Variants in CACNG6 observed in about 807,000 individuals in gnomAD.
CACNG6 encodes the protein calcium voltage-gated channel auxiliary subunit gamma 6, also known as voltage-dependent calcium channel gamma-6 subunit.
A neutral mutation model predicts 23.9 loss-of-function variants in CACNG6; 21 were observed. The observed-to-expected ratio is 0.88, with a 90% CI of 0.62 to 1.26. CACNG6 has a LOEUF of 1.26. Ranked by LOEUF, CACNG6 falls within the 50% of genes most tolerant of loss-of-function variation. The pLI, the probability that CACNG6 is intolerant of heterozygous loss-of-function variation, is 0.00. For synonymous variants in CACNG6, 182 were observed against 168.9 expected (o/e 1.08, Z -0.60); for missense variants, 340 against 352.9 (o/e 0.96, Z 0.29).
chr19:53,999,825 G>A, intron 3 of CACNG6, 54 bp downstream of exon 3: 1 of 1,596,830 alleles, frequency 6.3e-7, no homozygotes, highest in Non-Finnish European at 8.5e-7. Flanking sequence ...AGGATCTCCA[G>A]GCACTGTTGC....
At chr19:53,995,378 T>G (rs2069510187) in intron 1 of CACNG6, among the ~76,000 whole-genome samples, 1 of 152,146 alleles carries the variant, frequency 6.6e-6, no homozygotes. Flanking sequence ...CAGAGAAATA[T>G]CTCACACTCA....
Position 53,999,619 on chromosome 19 carries a change from C to T in CACNG6, c.407-15C>T, listed in dbSNP as rs1600056672. 6 of 1,612,046 alleles carry T rather than the reference C, an allele frequency of 3.7e-6. No homozygotes were observed. Among genetic ancestry groups the T allele is most frequent in the African/African-American group, 1.3e-5 (1 of 75,028 alleles). On this transcript the variant is annotated splice_polypyrimidine_tract_variant and intron_variant, in intron 2 of 3. Transcript: ENST00000252729. Reference sequence around the variant, plus strand: ...ATCCCATGTTCTCTGCTTCTTTCCTCTCTCCTGCTGGCAGAGGTGAATCTG... The same window carrying T: ...ATCCCATGTTCTCTGCTTCTTTCCTTTCTCCTGCTGGCAGAGGTGAATCTG...
chr19:54,004,440 C>G (rs780222757), intron 3 of CACNG6, among the ~76,000 whole-genome samples: 18 of 150,196 alleles, frequency 1.2e-4, no homozygotes, highest in Non-Finnish European at 2.1e-4. Context: ...GCCTCGAACT[C>G]CTGATGACCT....
chr19:54,009,920 T>C (rs1472783537), intron 3 of CACNG6, among the ~76,000 whole-genome samples: 1 of 146,584 alleles, frequency 6.8e-6, no homozygotes, highest in Non-Finnish European at 1.5e-5. Context: ...CGAAACTCCG[T>C]CTCAAAAAAA....
In CACNG6 at chr19:54,012,576, C is replaced by G. The variant is rs73601886; in HGVS notation, c.*387C>G. On this transcript the variant is annotated 3_prime_UTR_variant, in exon 4 of 4. Transcript: ENST00000252729. ...ACTTGCCGGGAGAGACTTTTTACAA[C>G]TCATCTGCAGCTCCGGGTGCGGTTG... The G allele has an allele frequency of 0.03, 5,138 of 172,736 alleles. 313 individuals carry two copies. The highest frequency in any genetic ancestry group is 0.12 in the African/African-American group (4,880 of 42,214). 10.7% of individuals were successfully genotyped at this position (172,736 alleles called of 1,614,324 possible). A position where few individuals can be genotyped will look rare whatever the true frequency, so the allele number is the denominator to read the frequency against.
chr19:54,002,746 A>G (rs1285417060), intron 3 of CACNG6, among the ~76,000 whole-genome samples: 1 of 152,170 alleles, frequency 6.6e-6, no homozygotes, highest in Non-Finnish European at 1.5e-5. Flanking sequence ...AATGTTCCAC[A>G]GATTGTACAA....
At chr19:53,999,555 G>A (rs1474748609) in intron 2 of CACNG6, 79 bp from the exon 3 acceptor site, 2 of 1,507,238 alleles carry the variant, frequency 1.3e-6, no homozygotes, top group Non-Finnish European at 1.8e-6. Context: ...CATCTTCCTG[G>A]TTCTGGGTTC....
At chr19:53,993,340 A>T (rs1382575633) in intron 1 of CACNG6, 132 bp downstream of exon 1, 1 of 888,102 alleles carries the variant, frequency 1.1e-6, no homozygotes. Flanking sequence ...CCTCGCAGTA[A>T]GCGCCAGTGC....
rs2069472505 is a variant in CACNG6, at chr19:53,992,567, C to A, written c.-311C>A. On this transcript the variant is annotated 5_prime_UTR_variant, in exon 1 of 4. Transcript: ENST00000252729. The surrounding 1 kb of genome is among the most constrained non-coding windows in gnomAD (Gnocchi z 4.1). ...TGGGAAGCCGAATTCTATCTCTAAA[C>A]CTCAGGGTGGGGGCCTTGTTTTTCC... 4.4e-6 allele frequency: 1 copy of A among 229,622 alleles called. No individual in the cohort carries two copies. Among genetic ancestry groups the A allele is most frequent in the East Asian group, 8.4e-5 (1 of 11,950 alleles). The allele number at this position is 229,622 out of a possible 1,614,324, so 14.2% of individuals were successfully genotyped here.
At chr19:54,004,931 G>A (rs866478970) in intron 3 of CACNG6, among the ~76,000 whole-genome samples, 1 of 148,472 alleles carries the variant, frequency 6.7e-6, no homozygotes, top group African/African-American at 2.6e-5. Flanking sequence ...AAATAAAAGA[G>A]GGGGGCGCGG....
intron 1 of CACNG6, 109 bp downstream of exon 1, chr19:53,993,317 A>G: frequency 8.7e-7 from 1 of 1,155,756 alleles, no homozygotes. Context: ...CTGAGCCCGG[A>G]GGAGACAGCT....
intron 2 of CACNG6, among the ~76,000 whole-genome samples, chr19:53,999,123 C>T (rs2069550501): frequency 6.6e-6 from 1 of 152,150 alleles, no homozygotes; most frequent in African/African-American, 2.4e-5. Flanking sequence ...ACCTTGGCCT[C>T]CCAAAGTGCT....
At chr19:53,996,554 G>A (rs559015507) in intron 1 of CACNG6, among the ~76,000 whole-genome samples, 3 of 151,582 alleles carry the variant, frequency 2.0e-5, no homozygotes, top group South Asian at 2.1e-4. Flanking sequence ...CACCACTCCC[G>A]GCTAATTTTT....
At chr19:54,006,517 CTTTTCTTTTTTTT>C (rs1229290326) in intron 3 of CACNG6, among the ~76,000 whole-genome samples, 10 of 107,324 alleles carry the variant, frequency 9.3e-5, no homozygotes, top group Non-Finnish European at 1.4e-4. Flanking sequence ...TTCCTTCTTT[CTTTTCTTTTTTTT>C]TTTTTTTTTT....
In CACNG6 at chr19:53,993,147, G is replaced by T; in HGVS notation, c.270G>T (p.Arg90=). 3 of 1,546,784 alleles carry T rather than the reference G, an allele frequency of 1.9e-6. No homozygotes were observed. Among genetic ancestry groups the T allele is most frequent in the Non-Finnish European group, 2.6e-6 (3 of 1,146,122 alleles). Residue 90 remains arginine (R), a synonymous_variant, in exon 1 of 4, where the codon CGG becomes CGT. Transcript: ENST00000252729. ...HLGLWKACTK[R]LWQADVPVDR... ...GGCTGTGGAAGGCGTGCACCAAGCGGCTGTGGCAGGCGGACGTGCCCGTGG... is the reference window on the plus strand; with the variant it reads ...GGCTGTGGAAGGCGTGCACCAAGCGTCTGTGGCAGGCGGACGTGCCCGTGG...
chr19:53,999,132 C>T (rs2069550563), intron 2 of CACNG6, among the ~76,000 whole-genome samples: 1 of 152,146 alleles, frequency 6.6e-6, no homozygotes, highest in Non-Finnish European at 1.5e-5. Flanking sequence ...TCCCAAAGTG[C>T]TGGGATTATA....
intron 3 of CACNG6, among the ~76,000 whole-genome samples, chr19:54,005,163 C>T (rs1001935436): frequency 1.3e-5 from 2 of 150,418 alleles, no homozygotes; most frequent in South Asian, 2.1e-4. Flanking sequence ...GAGCTGGGAT[C>T]GCGCCACTGC....
At chr19:54,008,321 C>G (rs906006194) in intron 3 of CACNG6, among the ~76,000 whole-genome samples, 21 of 152,160 alleles carry the variant, frequency 1.4e-4, no homozygotes, top group African/African-American at 5.1e-4. Flanking sequence ...CCATTGCACT[C>G]CAGCCTGGAT....
chr19:54,009,397 C>G (rs150107409), intron 3 of CACNG6, among the ~76,000 whole-genome samples: 78 of 125,748 alleles, frequency 6.2e-4, no homozygotes, highest in African/African-American at 1.8e-3. Context: ...TTGCAGTGAG[C>G]TGAGATCATG....
Sources: allele counts gnomAD v4.1 joint callset (sites outside exome capture counted in the v4.1 genomes callset), GRCh38; gene constraint gnomAD v4.1.1; non-coding constraint Gnocchi (gnomAD v3.1); transcripts MANE v1.5; gene names NCBI Gene and HGNC (gene_info 2026-07-23, HGNC 2026-07-21).